OTUD7B: variants seen among roughly 807,000 people sequenced by gnomAD.
The protein encoded by OTUD7B is OTU deubiquitinase 7B.
In OTUD7B, 34 loss-of-function variants were observed where a neutral mutation model predicts 82.2. The ratio of observed to expected loss-of-function variants is 0.41; its 90% CI spans 0.31 to 0.55. The LOEUF is 0.55. Among genes scored for constraint, OTUD7B ranks in the 20% least tolerant of loss-of-function variants. OTUD7B has a pLI of 0.20. For missense variants in OTUD7B, 944 were observed against 1,062.1 expected (o/e 0.89, Z 1.55); for synonymous variants, 398 against 402.7 (o/e 0.99, Z 0.14).
chr1:149,963,515 G>C (rs1000650537), intron 6 of OTUD7B: 3 of 152,068 alleles, frequency 2.0e-5, no homozygotes, highest in African/African-American at 7.2e-5. Context: ...GAAATGCCCA[G>C]GGCTGTATTC....
intron 11 of OTUD7B, 128 bp from the exon 12 acceptor site, chr1:149,945,193 G>A: frequency 7.8e-7 from 1 of 1,288,398 alleles, no homozygotes; most frequent in African/African-American, 1.5e-5. Context: ...AAATTAGCCA[G>A]GTAGAAAAGG....
the OTUD7B span, among the ~76,000 whole-genome samples, chr1:150,025,103 T>C: frequency 0.013 from 2,013 of 149,986 alleles, 55 homozygotes; most frequent in African/African-American, 0.047. Flanking sequence ...TTATCTGAAC[T>C]GAGTTAGAGA....
chr1:149,991,252 T>C (rs1553782044), intron 1 of OTUD7B, among the ~76,000 whole-genome samples: 1 of 152,114 alleles, frequency 6.6e-6, no homozygotes, highest in Non-Finnish European at 1.5e-5. Context: ...ACACACACAT[T>C]TTCCAGGTTG....
At chr1:150,013,015 C>A (rs1553787794), upstream of OTUD7B, among the ~76,000 whole-genome samples, 1 of 152,236 alleles carries the variant, frequency 6.6e-6, no homozygotes, top group Non-Finnish European at 1.5e-5. Context: ...TGATATGCAG[C>A]CATTTAGGCT....
chr1:150,004,444 C>T (rs1406057814), intron 1 of OTUD7B, among the ~76,000 whole-genome samples: 3 of 151,842 alleles, frequency 2.0e-5, no homozygotes, highest in Admixed American at 6.6e-5. Context: ...CCTGTAATCC[C>T]AGCTACTCAG....
chr1:150,011,394 A>T (rs1437762917), upstream of OTUD7B, among the ~76,000 whole-genome samples: 1 of 152,226 alleles, frequency 6.6e-6, no homozygotes, highest in African/African-American at 2.4e-5. Context: ...TGTGATGTGT[A>T]TCACTGCTCT....
chr1:149,977,912 C>T (rs1650436690), intron 1 of OTUD7B, among the ~76,000 whole-genome samples: 1 of 152,174 alleles, frequency 6.6e-6, no homozygotes, highest in Non-Finnish European at 1.5e-5. Flanking sequence ...TCCCCACCTG[C>T]AATAGTCTCT....
At position 149,965,893 on chromosome 1, in the gene OTUD7B, T is replaced by G; in HGVS notation, c.503-15A>C. 1.9e-6 allele frequency: 3 copies of G among 1,599,882 alleles called. No individual in the cohort carries two copies. The highest frequency in any genetic ancestry group is 2.6e-6 in the Non-Finnish European group (3 of 1,167,212). On this transcript the variant is annotated splice_polypyrimidine_tract_variant and intron_variant, in intron 4 of 11. Coordinates refer to ENST00000581312, the MANE Select transcript of OTUD7B (RefSeq NM_020205.4). Reference sequence around the variant, plus strand: ...GTTCAAACGCCCTGTAGAAACAAGATAGTGGAGGAAAAGGAGATTATCCAT... The same window carrying G: ...GTTCAAACGCCCTGTAGAAACAAGAGAGTGGAGGAAAAGGAGATTATCCAT...
chr1:149,968,469 C>T (rs1250860595), intron 3 of OTUD7B, among the ~76,000 whole-genome samples: 1 of 152,064 alleles, frequency 6.6e-6, no homozygotes, highest in Non-Finnish European at 1.5e-5. Flanking sequence ...GTTTTGAATA[C>T]ATGACACTTG....
At chr1:150,051,229 C>CAAAA in the OTUD7B span, among the ~76,000 whole-genome samples, 58 of 96,806 alleles carry the variant, frequency 6.0e-4, 3 homozygotes, top group East Asian at 2.3e-3. Flanking sequence ...GACTTCGCCT[C>CAAAA]AAAAAAAAAA....
At chr1:150,061,907 C>T in the OTUD7B span, among the ~76,000 whole-genome samples, 7 of 152,198 alleles carry the variant, frequency 4.6e-5, no homozygotes, top group Non-Finnish European at 1.0e-4. Flanking sequence ...CACCTACATA[C>T]TCCTTCCAGA....
the OTUD7B span, among the ~76,000 whole-genome samples, chr1:150,039,751 C>T: frequency 2.0e-5 from 3 of 152,164 alleles, no homozygotes; most frequent in Admixed American, 2.0e-4. Context: ...CATTTCTTGT[C>T]CAGTTTAGGC....
chr1:149,944,012 G>A lies in OTUD7B; in HGVS notation c.2377C>T (p.Arg793Trp), dbSNP rs200128430. The A allele has an allele frequency of 2.6e-4, 425 of 1,614,076 alleles. 1 individual carries two copies. Among genetic ancestry groups the A allele is most frequent in the Non-Finnish European group, 3.2e-4 (381 of 1,180,032 alleles). ...TTGGTCTGAGTTGGGGGAAGGCCCCGGAGACCTCCAGCCCATCCATCTGGC... is the reference window on the plus strand; with the variant it reads ...TTGGTCTGAGTTGGGGGAAGGCCCCAGAGACCTCCAGCCCATCCATCTGGC... The part of the protein sequence containing the change: ...PEPDGWAGGL[R>W]GLPPTQTKCK... Residue 793 changes from arginine to tryptophan, a missense_variant, in exon 12 of 12, where the codon CGG becomes TGG. Arg to Trp is a moderately radical substitution (Grantham distance 101). Transcript: ENST00000581312.
chr1:150,016,387 C>T, the OTUD7B span, among the ~76,000 whole-genome samples: 146 of 151,904 alleles, frequency 9.6e-4, 2 homozygotes, highest in East Asian at 0.024. Context: ...TATTAACAAC[C>T]GGTTCTCCAG....
At chr1:150,045,449 G>A in the OTUD7B span, among the ~76,000 whole-genome samples, 3 of 94,758 alleles carry the variant, frequency 3.2e-5, no homozygotes, top group Admixed American at 1.1e-4. Flanking sequence ...CATGCTAAGC[G>A]TGCGCCCTAC....
the OTUD7B span, among the ~76,000 whole-genome samples, chr1:150,036,496 G>C: frequency 1.3e-5 from 2 of 151,856 alleles, no homozygotes; most frequent in African/African-American, 4.8e-5. Context: ...CTGGCCTCAA[G>C]TGATCACCCA....
chr1:149,944,444 C>G lies in OTUD7B; in HGVS notation c.1945G>C (p.Glu649Gln). Residue 649 changes from glutamate to glutamine, a missense_variant, in exon 12 of 12, where the codon GAG (glutamate) becomes CAG (glutamine). Glu to Gln is a conservative substitution (Grantham distance 29). Coordinates refer to ENST00000581312, the MANE Select transcript of OTUD7B (RefSeq NM_020205.4). ...ATTCCTCCATTCATGATCTTCCTCT[C>G]TGCCTCCTTCTGCTTCTGTTCTGCC... is the stretch of plus-strand genomic sequence containing the variant. ...FLAEQKQKEA[E>Q]RKIMNGGIGG... The G allele has an allele frequency of 6.2e-7, 1 of 1,614,188 alleles. No individual in the cohort carries two copies. Among genetic ancestry groups the G allele is most frequent in the South Asian group, 1.1e-5 (1 of 91,078 alleles).
In OTUD7B at chr1:149,939,101, GGAGA is replaced by G. The variant is rs1215002174; in HGVS notation, c.*4752_*4755del. ...AGAAGCACTAGATGAAGGGAAGGGT[GGAGA>G]GGCAAGGGGCTATATCAGATTTTTC... is the stretch of plus-strand genomic sequence containing the variant. On this transcript the variant is annotated 3_prime_UTR_variant, in exon 12 of 12. Coordinates refer to ENST00000581312, the MANE Select transcript of OTUD7B (RefSeq NM_020205.4). The G allele has an allele frequency of 6.6e-6, 1 of 152,286 alleles. No individual in the cohort carries two copies. Among genetic ancestry groups the G allele is most frequent in the Admixed American group, 6.6e-5 (1 of 15,262 alleles). 9.4% of individuals were successfully genotyped at this position (152,286 alleles called of 1,614,324 possible).
intron 11 of OTUD7B, 94 bp downstream of exon 11, chr1:149,947,157 A>C (rs1429081643): frequency 1.4e-6 from 1 of 715,618 alleles, no homozygotes; most frequent in Non-Finnish European, 2.5e-6. Flanking sequence ...CACCACTCAG[A>C]ATAGATTCAG....
Sources: allele counts gnomAD v4.1 joint callset (sites outside exome capture counted in the v4.1 genomes callset), GRCh38; gene constraint gnomAD v4.1.1; transcripts MANE v1.5; gene names NCBI Gene and HGNC (gene_info 2026-07-23, HGNC 2026-07-21).